MTMR2: variants seen among roughly 807,000 people sequenced by gnomAD.
MTMR2 encodes phosphatidylinositol-3,5-bisphosphate 3-phosphatase MTMR2.
MTMR2 carries 55 observed loss-of-function variants against 86.9 expected under a neutral mutation model. The ratio of observed to expected loss-of-function variants is 0.63; its 90% CI spans 0.51 to 0.79. The LOEUF (loss-of-function observed/expected upper bound fraction) is 0.79. MTMR2 is among the 30% of genes least tolerant of loss of function. MTMR2 has a pLI of 0.00. For missense variants in MTMR2, 659 were observed against 772.3 expected, an observed-to-expected ratio of 0.85 and a Z score of 1.74; for synonymous variants, 241 against 266.8, an observed-to-expected ratio of 0.90 and a Z score of 0.94.
At chr11:95,911,480 G>A (rs1274175612) in intron 1 of MTMR2, among the ~76,000 whole-genome samples, 2 of 152,132 alleles carry the variant, frequency 1.3e-5, no homozygotes, top group Non-Finnish European at 2.9e-5. Flanking sequence ...CTGGGAGACA[G>A]GGGTGAGGAC....
intron 12 of MTMR2, 94 bp downstream of exon 12, chr11:95,841,523 T>G (rs1224310898): frequency 2.3e-6 from 2 of 883,660 alleles, no homozygotes; most frequent in Non-Finnish European, 3.9e-6. Flanking sequence ...AATTTCCATT[T>G]AATGATCTAT....
At chr11:95,872,881 T>A (rs575286021) in intron 2 of MTMR2, among the ~76,000 whole-genome samples, 1 of 152,336 alleles carries the variant, frequency 6.6e-6, no homozygotes, top group East Asian at 1.9e-4. Flanking sequence ...TCATGTGGTT[T>A]TTGTCATTGA....
At chr11:95,841,491 A>G (rs1299568995) in intron 12 of MTMR2, 126 bp downstream of exon 12, 9 of 778,120 alleles carry the variant, frequency 1.2e-5, no homozygotes, top group East Asian at 4.9e-5. Context: ...TAGCTCTCAC[A>G]TGGACATGGA....
chr11:95,915,412 T>C (rs958703252), intron 1 of MTMR2, among the ~76,000 whole-genome samples: 1 of 152,188 alleles, frequency 6.6e-6, no homozygotes, highest in Non-Finnish European at 1.5e-5. Flanking sequence ...ATAAATGTTT[T>C]ATCAATCCAA....
At chr11:95,916,669 A>T (rs1866723747) in intron 1 of MTMR2, among the ~76,000 whole-genome samples, 1 of 152,078 alleles carries the variant, frequency 6.6e-6, no homozygotes, top group Admixed American at 6.6e-5. Flanking sequence ...AAAAAAAAGA[A>T]TTTTCCAAAT....
intron 11 of MTMR2, among the ~76,000 whole-genome samples, chr11:95,842,699 T>G (rs1863599030): frequency 6.6e-6 from 1 of 152,228 alleles, no homozygotes; most frequent in South Asian, 2.1e-4. Flanking sequence ...TTTTTCAGTG[T>G]GTTGGCATTT....
At chr11:95,873,406 T>C (rs180873795) in intron 2 of MTMR2, among the ~76,000 whole-genome samples, 517 of 152,354 alleles carry the variant, frequency 3.4e-3, no homozygotes, top group Non-Finnish European at 5.0e-3. Flanking sequence ...GAGGTGTTTA[T>C]AGTATTCTCT....
chr11:95,867,956 G>A (rs1300128728), intron 2 of MTMR2, among the ~76,000 whole-genome samples: 1 of 151,998 alleles, frequency 6.6e-6, no homozygotes, highest in Non-Finnish European at 1.5e-5. Flanking sequence ...AAGGAAATAA[G>A]CCATATTTTC....
intron 2 of MTMR2, among the ~76,000 whole-genome samples, chr11:95,868,487 G>A (rs78213053): frequency 3.1e-3 from 465 of 151,830 alleles, no homozygotes; most frequent in Non-Finnish European, 4.9e-3. Flanking sequence ...CAGATTTAAT[G>A]TTGAGGACAA....
intron 2 of MTMR2, among the ~76,000 whole-genome samples, chr11:95,877,429 G>A (rs541571264): frequency 6.7e-5 from 9 of 135,088 alleles, no homozygotes; most frequent in South Asian, 4.6e-4. Context: ...GCTGGAAAAC[G>A]TTACATCACC....
At position 95,923,594 on chromosome 11, in the gene MTMR2, C is replaced by T; in HGVS notation, c.80+281G>A. 4 of 1,149,958 alleles carry T rather than the reference C, an allele frequency of 3.5e-6. No homozygotes were observed. In the South Asian group the frequency reaches 7.8e-5, roughly 23 times the overall value. 71.2% of individuals were successfully genotyped at this position (1,149,958 alleles called of 1,614,324 possible). ...AAAAGGTTTGAGAGGGAATGAAAGA[C>T]AGGAGAAAGTAATTAACTGGGACCA... On this transcript the variant is annotated intron_variant, in intron 1 of 14. Transcript: ENST00000346299.
intron 11 of MTMR2, among the ~76,000 whole-genome samples, chr11:95,844,392 C>T (rs1346357054): frequency 6.6e-6 from 1 of 152,114 alleles, no homozygotes; most frequent in Non-Finnish European, 1.5e-5. Flanking sequence ...CTGCACAGGT[C>T]CACTTATATG....
chr11:95,867,242 G>T (rs190351209), intron 2 of MTMR2, among the ~76,000 whole-genome samples: 1 of 152,084 alleles, frequency 6.6e-6, no homozygotes, highest in African/African-American at 2.4e-5. Context: ...CACTTATAAC[G>T]CTGGGCAGTA....
intron 3 of MTMR2, among the ~76,000 whole-genome samples, chr11:95,864,337 G>C (rs1864530136): frequency 6.6e-6 from 1 of 152,058 alleles, no homozygotes; most frequent in Admixed American, 6.6e-5. Flanking sequence ...AGGAAGAAGA[G>C]CCAACAAATG....
Position 95,845,058 on chromosome 11 carries a change from G to A in MTMR2, c.1281C>T (p.Leu427=), listed in dbSNP as rs199542109. The change falls in exon 11 of 15, where the codon CTC becomes CTT. Residue 427 remains leucine (L), a synonymous_variant. Coordinates refer to ENST00000346299, the MANE Select transcript of MTMR2 (RefSeq NM_016156.6). ...CCAACATGAGCATGGCAAGGGAAGT[G>A]AGCTGAGCTGTGCGATCCCAACCAT... ...CSDGWDRTAQ[L]TSLAMLMLDG... 1.9e-6 allele frequency: 3 copies of A among 1,613,820 alleles called. No individual in the cohort carries two copies. The highest frequency in any genetic ancestry group is 2.5e-6 in the Non-Finnish European group (3 of 1,179,882).
intron 1 of MTMR2, among the ~76,000 whole-genome samples, chr11:95,889,220 G>A (rs972006764): frequency 4.7e-5 from 7 of 149,700 alleles, no homozygotes; most frequent in Non-Finnish European, 7.4e-5. Context: ...TGCAACCTCC[G>A]CCTCCCAGGT....
rs3824874 is a variant in MTMR2, at chr11:95,923,947, T to G, written c.8A>C (p.Lys3Thr). The G allele has an allele frequency of 0.35, 552,399 of 1,557,506 alleles. 103,642 individuals are homozygous for G. The highest frequency in any genetic ancestry group is 0.39 in the Non-Finnish European group (450,365 of 1,149,892). The change falls in exon 1 of 15, where the codon AAG becomes ACG. Residue 3 changes from lysine (K) to threonine (T), a missense_variant. Around this residue, in one of 3 missense-constraint regions of MTMR2, gnomAD observed 79 missense variants for 54.4 expected, o/e 1.45. Transcript: ENST00000346299. ...GCCAAGACTCTCGCAGCTCGAGCTC[T>G]TCTCCATCGCGCGGCAGGGGCAGCA... Reference protein sequence around the residue: MEKSSSCESLGSQ... With the variant: METSSSCESLGSQ...
chr11:95,864,631 T>C (rs912876235), intron 3 of MTMR2, among the ~76,000 whole-genome samples: 5 of 152,074 alleles, frequency 3.3e-5, no homozygotes, highest in Admixed American at 6.6e-5. Context: ...TGTAAGTAGG[T>C]AGTTCAGATC....
intron 2 of MTMR2, among the ~76,000 whole-genome samples, chr11:95,887,017 C>T (rs1865537342): frequency 6.6e-6 from 1 of 152,070 alleles, no homozygotes; most frequent in Admixed American, 6.6e-5. Context: ...ATAAGCCTTT[C>T]TAATTTTTAG....
Sources: allele counts gnomAD v4.1 joint callset (sites outside exome capture counted in the v4.1 genomes callset), GRCh38; gene constraint gnomAD v4.1.1; regional missense constraint gnomAD v4.1.1; transcripts MANE v1.5; gene names NCBI Gene and HGNC (gene_info 2026-07-23, HGNC 2026-07-21).